Variants in LRRC4C observed in about 807,000 individuals in gnomAD.
The protein encoded by LRRC4C is leucine-rich repeat-containing protein 4C.
In LRRC4C, 5 loss-of-function variants were observed where a neutral mutation model predicts 33.6. The observed-to-expected ratio is 0.15, with a 90% CI of 0.08 to 0.31. LRRC4C has a LOEUF of 0.31. LRRC4C is among the 10% of genes least tolerant of loss of function. The pLI, the probability that LRRC4C is intolerant of heterozygous loss-of-function variation, is 1.00. For missense variants in LRRC4C, 560 were observed against 796.7 expected (o/e 0.70, Z 3.58); for synonymous variants, 329 against 302.0 (o/e 1.09, Z -0.93).
intron 4 of LRRC4C, among the ~76,000 whole-genome samples, chr11:40,285,042 A>G (rs893886728): frequency 1.6e-4 from 25 of 152,180 alleles, no homozygotes; most frequent in African/African-American, 6.0e-4. Context: ...ATTTAATAAA[A>G]ACAGTAGTAA....
At chr11:40,996,230 G>C (rs572357514) in intron 1 of LRRC4C, among the ~76,000 whole-genome samples, 1 of 152,130 alleles carries the variant, frequency 6.6e-6, no homozygotes, top group Admixed American at 6.6e-5. Flanking sequence ...CTGTGAGGCT[G>C]GGTAGCAGAC....
rs1300500909 is a variant in LRRC4C at position 40,807,843 on chromosome 11, G to A, written c.-407+125792C>T. Among the ~76,000 whole-genome samples the A allele has an allele frequency of 2.6e-5, 4 of 152,140 alleles. No homozygotes were observed. The East Asian group carries it at 7.7e-4, about 29-fold the overall frequency. On this transcript the variant is annotated intron_variant, in intron 2 of 6. Coordinates refer to ENST00000528697, the MANE Select transcript of LRRC4C (RefSeq NM_001258419.2). ...CTTTGATTTAGATATTATATTGCTG[G>A]ATACCACATTCAACAGGACTGATAA...
intron 3 of LRRC4C, among the ~76,000 whole-genome samples, chr11:40,569,048 G>A (rs187632109): frequency 7.2e-5 from 11 of 152,238 alleles, no homozygotes; most frequent in African/African-American, 1.4e-4. Flanking sequence ...CGCAGTAGCC[G>A]AGACATGCAA....
At chr11:40,325,817 C>A (rs1404877732) in intron 3 of LRRC4C, among the ~76,000 whole-genome samples, 1 of 151,700 alleles carries the variant, frequency 6.6e-6, no homozygotes, top group African/African-American at 2.4e-5. Flanking sequence ...AAATAAATAG[C>A]CTTTATTGGT....
At chr11:41,458,153 A>C (rs1480615293) in intron 1 of LRRC4C, among the ~76,000 whole-genome samples, 1 of 152,144 alleles carries the variant, frequency 6.6e-6, no homozygotes, top group African/African-American at 2.4e-5. Context: ...AGACATCAAC[A>C]GCTGGAGAGA....
chr11:41,358,059 C>A (rs1249490814), intron 1 of LRRC4C, among the ~76,000 whole-genome samples: 1 of 151,984 alleles, frequency 6.6e-6, no homozygotes, highest in African/African-American at 2.4e-5. Context: ...AATAGACAAA[C>A]AAATCAAGAA....
chr11:40,924,687 G>A (rs1957341698), intron 2 of LRRC4C, among the ~76,000 whole-genome samples: 1 of 151,970 alleles, frequency 6.6e-6, no homozygotes, highest in South Asian at 2.1e-4. Flanking sequence ...TTTAAGGTGA[G>A]GAATATGCTA....
At chr11:41,130,995 A>G (rs1034648978) in intron 1 of LRRC4C, among the ~76,000 whole-genome samples, 4 of 152,150 alleles carry the variant, frequency 2.6e-5, no homozygotes, top group Middle Eastern at 3.4e-3. Context: ...CAATTGCTAT[A>G]TATTTACAAT....
intron 3 of LRRC4C, among the ~76,000 whole-genome samples, chr11:40,406,320 T>G (rs1949963044): frequency 6.6e-6 from 1 of 152,204 alleles, no homozygotes; most frequent in Admixed American, 6.6e-5. Context: ...AGGTTTGAGC[T>G]TGTTTTCTTC....
intron 1 of LRRC4C, among the ~76,000 whole-genome samples, chr11:41,160,704 A>G (rs1240403842): frequency 6.6e-6 from 1 of 152,124 alleles, no homozygotes; most frequent in Non-Finnish European, 1.5e-5. Context: ...TAGTGATAAT[A>G]TTTGTCCTTT....
At chr11:40,658,807 A>G (rs1350735667) in intron 2 of LRRC4C, among the ~76,000 whole-genome samples, 3 of 152,200 alleles carry the variant, frequency 2.0e-5, no homozygotes, top group Non-Finnish European at 1.5e-5. Context: ...CATATGGTCA[A>G]TATCTAGTGT....
chr11:40,328,237 T>C (rs1226149140), intron 3 of LRRC4C, among the ~76,000 whole-genome samples: 1 of 152,206 alleles, frequency 6.6e-6, no homozygotes, highest in African/African-American at 2.4e-5. Context: ...GTTAAATCTA[T>C]GTAGCCACTT....
intron 6 of LRRC4C, among the ~76,000 whole-genome samples, chr11:40,116,764 A>G (rs1247582918): frequency 6.6e-6 from 1 of 152,230 alleles, no homozygotes; most frequent in African/African-American, 2.4e-5. Context: ...ATTATATTGA[A>G]GGTTATTTTA....
At chr11:40,524,977 A>G (rs1468146981) in intron 3 of LRRC4C, among the ~76,000 whole-genome samples, 2 of 152,174 alleles carry the variant, frequency 1.3e-5, no homozygotes, top group African/African-American at 4.8e-5. Flanking sequence ...ATCCCTCAGG[A>G]TATATAATTT....
chr11:40,391,718 T>C (rs1949344654), intron 3 of LRRC4C, among the ~76,000 whole-genome samples: 1 of 152,202 alleles, frequency 6.6e-6, no homozygotes, highest in South Asian at 2.1e-4. Context: ...TGATAAGTAT[T>C]GTATTCAAAG....
At chr11:40,638,942 C>CAAGA (rs1318676619) in intron 3 of LRRC4C, among the ~76,000 whole-genome samples, 1 of 151,902 alleles carries the variant, frequency 6.6e-6, no homozygotes, top group African/African-American at 2.4e-5. Flanking sequence ...ATGCAGTGGC[C>CAAGA]AAGAATATGG....
chr11:41,129,109 C>T (rs549678755), intron 1 of LRRC4C, among the ~76,000 whole-genome samples: 29 of 151,834 alleles, frequency 1.9e-4, no homozygotes, highest in South Asian at 6.2e-4. Context: ...AGTTAGGAAA[C>T]GAAAGACATG....
intron 3 of LRRC4C, among the ~76,000 whole-genome samples, chr11:40,578,809 A>G (rs529459950): frequency 1.3e-5 from 2 of 152,344 alleles, no homozygotes; most frequent in South Asian, 2.1e-4. Context: ...TGTGTAAGGT[A>G]TAACTTCAAT....
chr11:41,086,349 T>C (rs994464958), intron 1 of LRRC4C, among the ~76,000 whole-genome samples: 1 of 152,166 alleles, frequency 6.6e-6, no homozygotes, highest in Non-Finnish European at 1.5e-5. Flanking sequence ...GTATTATATA[T>C]TGTTGTATAA....
Sources: gnomAD v4.1 joint callset for allele counts (sites outside exome capture counted in the v4.1 genomes callset) on GRCh38, gnomAD v4.1.1 for gene constraint, MANE v1.5 for transcripts, NCBI Gene and HGNC (gene_info 2026-07-23, HGNC 2026-07-21) for gene names.